The following NAPB variants were observed in gnomAD, a reference collection of about 807,000 sequenced individuals.
NAPB encodes the protein beta-soluble NSF attachment protein.
NAPB carries 26 observed loss-of-function variants against 44.7 expected under a neutral mutation model. That is an observed-to-expected ratio of 0.58 (90% confidence interval 0.43 to 0.81). The LOEUF (loss-of-function observed/expected upper bound fraction) is 0.81, where lower values mean the gene tolerates loss of function less well. Among genes scored for constraint, NAPB ranks in the 30% least tolerant of loss-of-function variants. The probability of loss-of-function intolerance (pLI) is 0.00; values close to 1 mark genes in which losing one functional copy is unlikely to be tolerated. For missense variants in NAPB, 315 were observed against 356.4 expected (o/e 0.88, Z 0.94); for synonymous variants, 120 against 116.8 (o/e 1.03, Z -0.18).
At chr20:23,402,744 TAAG>T (rs1352348996) in intron 2 of NAPB, among the ~76,000 whole-genome samples, 1 of 152,334 alleles carries the variant, frequency 6.6e-6, no homozygotes, top group African/African-American at 2.4e-5. Context: ...CCTACTGTAT[TAAG>T]AAGTTTATAG....
intron 5 of NAPB, among the ~76,000 whole-genome samples, chr20:23,394,497 C>A (rs1173084865): frequency 6.6e-6 from 1 of 152,162 alleles, no homozygotes; most frequent in Non-Finnish European, 1.5e-5. Flanking sequence ...ATACAGTAAT[C>A]TAGCATTTGG....
At chr20:23,409,986 C>T (rs1327707256) in intron 1 of NAPB, among the ~76,000 whole-genome samples, 1 of 152,158 alleles carries the variant, frequency 6.6e-6, no homozygotes, top group Non-Finnish European at 1.5e-5. Flanking sequence ...ACACCCCAGA[C>T]CAGGTGGAAG....
chr20:23,395,335 T>A lies in NAPB; in HGVS notation c.296-150A>T, dbSNP rs1204199545. ...CAGGTTAATGAGAAGCAAACAAAAA[T>A]CATGCACAAGTCCAGATTCATCAGC... On this transcript the variant is annotated intron_variant, in intron 3 of 10. Transcript: ENST00000377026. 7.0e-6 allele frequency: 5 copies of A among 711,980 alleles called. No homozygotes were observed. In the Admixed American group the frequency reaches 1.2e-4, roughly 17 times the overall value. The allele number at this position is 711,980 out of a possible 1,614,324, so 44.1% of individuals were successfully genotyped here.
At chr20:23,381,642 G>A (rs973539091) in intron 7 of NAPB, among the ~76,000 whole-genome samples, 9 of 152,246 alleles carry the variant, frequency 5.9e-5, no homozygotes, top group African/African-American at 1.9e-4. Context: ...AAGGGAAAAC[G>A]TGGTAGTGGG....
chr20:23,421,444 T>C lies in NAPB; in HGVS notation c.-42A>G. 6.6e-7 allele frequency: 1 copy of C among 1,524,290 alleles called. No individual in the cohort carries two copies. Among genetic ancestry groups the C allele is most frequent in the East Asian group, 2.6e-5 (1 of 39,144 alleles). 94.4% of individuals were successfully genotyped at this position (1,524,290 alleles called of 1,614,324 possible). ...GCCACAGCCCCCTCAGCCGGCTCGC[T>C]GTGCGCCCAGGCGCCTTAACCCTCC... On this transcript the variant is annotated 5_prime_UTR_variant, in exon 1 of 11. Transcript: ENST00000377026.
intron 2 of NAPB, among the ~76,000 whole-genome samples, chr20:23,401,511 T>G (rs1261719763): frequency 6.6e-6 from 1 of 152,146 alleles, no homozygotes; most frequent in Non-Finnish European, 1.5e-5. Context: ...CCTCCTTAGT[T>G]ACATACATGA....
intron 5 of NAPB, among the ~76,000 whole-genome samples, chr20:23,391,476 T>C (rs2067493380): frequency 6.6e-6 from 1 of 152,142 alleles, no homozygotes; most frequent in South Asian, 2.1e-4. Flanking sequence ...TAGACAGCCT[T>C]AGAAATAAAG....
chr20:23,388,720 G>T (rs1360153670), intron 7 of NAPB, among the ~76,000 whole-genome samples: 1 of 151,948 alleles, frequency 6.6e-6, no homozygotes, highest in East Asian at 1.9e-4. Flanking sequence ...AAAGAATAAA[G>T]TTGGACCCTT....
chr20:23,418,206 G>A (rs973730963), intron 1 of NAPB, among the ~76,000 whole-genome samples: 6 of 152,198 alleles, frequency 3.9e-5, no homozygotes, highest in African/African-American at 1.4e-4. Flanking sequence ...AAGTCAGTAT[G>A]TGTGTTTTAT....
chr20:23,375,439 C>G lies in NAPB; in HGVS notation c.*1937G>C, dbSNP rs987351871. The G allele has an allele frequency of 6.6e-6, 1 of 152,194 alleles. No individual in the cohort carries two copies. Among genetic ancestry groups the G allele is most frequent in the African/African-American group, 2.4e-5 (1 of 41,440 alleles). The allele number at this position is 152,194 out of a possible 1,614,324, so 9.4% of individuals were successfully genotyped here. ...AAACAAACTACTTAAAACCAGAGGA[C>G]TCAAGCTGCAGAACCACTCCTCACA... On this transcript the variant is annotated 3_prime_UTR_variant, in exon 11 of 11. Transcript: ENST00000377026.
intron 5 of NAPB, among the ~76,000 whole-genome samples, chr20:23,390,664 A>C (rs1440668464): frequency 5.3e-5 from 8 of 152,240 alleles, no homozygotes. Context: ...GACCAAGTCC[A>C]GAGTGACACT....
Position 23,374,992 on chromosome 20 carries a change from A to C in NAPB, c.*2384T>G, listed in dbSNP as rs1181300446. The C allele has an allele frequency of 1.3e-5, 2 of 152,236 alleles. No homozygotes were observed. Among genetic ancestry groups the C allele is most frequent in the Non-Finnish European group, 2.9e-5 (2 of 68,038 alleles). The allele number at this position is 152,236 out of a possible 1,614,324, so 9.4% of individuals were successfully genotyped here. ...TAATTATATTTTGTTCATAAGTAAC[A>C]TTCTATAAATCTTGAAGACCTAGCT... On this transcript the variant is annotated 3_prime_UTR_variant, in exon 11 of 11. Coordinates refer to ENST00000377026, the MANE Select transcript of NAPB (RefSeq NM_022080.3).
intron 7 of NAPB, among the ~76,000 whole-genome samples, chr20:23,389,252 A>AC (rs397772004): frequency 2.0e-5 from 3 of 150,194 alleles, no homozygotes; most frequent in Non-Finnish European, 4.4e-5. Flanking sequence ...AAAAAAAAAA[A>AC]CCAAAACAAG....
intron 8 of NAPB, among the ~76,000 whole-genome samples, chr20:23,380,359 A>C (rs1046917988): frequency 6.6e-6 from 1 of 152,168 alleles, no homozygotes; most frequent in Non-Finnish European, 1.5e-5. Flanking sequence ...TGGCCATGCC[A>C]AGGCTGCCTG....
chr20:23,402,568 T>C (rs1419031930), intron 2 of NAPB, among the ~76,000 whole-genome samples: 1 of 152,210 alleles, frequency 6.6e-6, no homozygotes, highest in African/African-American at 2.4e-5. Flanking sequence ...GGAATGGTCA[T>C]TCTCAACCAA....
At chr20:23,402,529 T>G (rs751338925) in intron 2 of NAPB, among the ~76,000 whole-genome samples, 3 of 152,196 alleles carry the variant, frequency 2.0e-5, no homozygotes, top group Non-Finnish European at 4.4e-5. Flanking sequence ...CAGTTCTCAG[T>G]GGAATCACAA....
chr20:23,388,295 C>T (rs1983683166), intron 7 of NAPB, among the ~76,000 whole-genome samples: 1 of 152,026 alleles, frequency 6.6e-6, no homozygotes, highest in South Asian at 2.1e-4. Flanking sequence ...ACCCCTACAC[C>T]TCTTATTGGT....
chr20:23,395,148 G>A lies in NAPB; in HGVS notation c.333C>T (p.Tyr111=). The A allele has an allele frequency of 6.2e-7, 1 of 1,614,200 alleles. No individual in the cohort carries two copies. ...INCLNAAIDI[Y]TDMGRFTIAA... is the part of the protein sequence containing the mutation. The stretch of plus-strand genomic sequence containing the variant: ...CAATGCAATGTCTTACCATGTCTGT[G>A]TAAATGTCGATGGCTGCATTTAAGC... Residue 111 remains tyrosine (Y), a synonymous_variant, in exon 4 of 11, where the codon TAC becomes TAT. Coordinates refer to ENST00000377026, the MANE Select transcript of NAPB (RefSeq NM_022080.3).
rs1173634872 is a variant in NAPB, at chr20:23,375,368, GT to G, written c.*2007del. On this transcript the variant is annotated 3_prime_UTR_variant, in exon 11 of 11. Transcript: ENST00000377026. ...TAATTGCCCGAAAATAAATCATGTA[GT>G]TTTTACTTTAAGTGGTCAGACCAGA... 1 of 152,126 alleles carries G rather than the reference GT, an allele frequency of 6.6e-6. No homozygotes were observed. The highest frequency in any genetic ancestry group is 1.5e-5 in the Non-Finnish European group (1 of 68,030). The allele number at this position is 152,126 out of a possible 1,614,324, so 9.4% of individuals were successfully genotyped here.
Sources: gnomAD v4.1 joint callset for allele counts (sites outside exome capture counted in the v4.1 genomes callset) on GRCh38, gnomAD v4.1.1 for gene constraint, MANE v1.5 for transcripts, NCBI Gene and HGNC (gene_info 2026-07-23, HGNC 2026-07-21) for gene names.